SLC25A53: variants seen among roughly 807,000 people sequenced by gnomAD.
The protein encoded by SLC25A53 is solute carrier family 25 member 53.
In SLC25A53, 5 loss-of-function variants were observed where a neutral mutation model predicts 15.0. The ratio of observed to expected loss-of-function variants is 0.33; its 90% CI spans 0.17 to 0.70. The LOEUF is 0.70. Among genes scored for constraint, SLC25A53 ranks in the 30% least tolerant of loss-of-function variants. The pLI, the probability that SLC25A53 is intolerant of heterozygous loss-of-function variation, is 0.67. For synonymous variants in SLC25A53, 95 were observed against 100.0 expected (o/e 0.95, Z 0.30); for missense variants, 216 against 241.6 (o/e 0.89, Z 0.70).
intron 1 of SLC25A53, among the ~76,000 whole-genome samples, chrX:104,150,164 C>T (rs1245171601): frequency 9.5e-6 from 1 of 105,078 alleles, no homozygotes; most frequent in Non-Finnish European, 1.9e-5. Flanking sequence ...ACCCAGGAGG[C>T]GGAGGCTGCA....
Position 104,100,080 on chromosome X carries a change from TTTA to T in SLC25A53, c.*4251_*4253del, listed in dbSNP as rs1556351884. 1 of 112,007 alleles carries T rather than the reference TTTA, an allele frequency of 8.9e-6. No homozygotes were observed. Among genetic ancestry groups the T allele is most frequent in the Non-Finnish European group, 1.9e-5 (1 of 53,203 alleles). 9.2% of individuals were successfully genotyped at this position (112,007 alleles called of 1,213,427 possible). On this transcript the variant is annotated 3_prime_UTR_variant, in exon 2 of 2. Transcript: ENST00000594199. ...CTTTTTCTCTCATATGCAACGTCAT[TTTA>T]TTAACTTTAATATACTACACTATAT...
At chrX:104,126,474 T>A (rs2075411294) in intron 1 of SLC25A53, among the ~76,000 whole-genome samples, 1 of 110,677 alleles carries the variant, frequency 9.0e-6, no homozygotes, top group Non-Finnish European at 1.9e-5. Flanking sequence ...GGCAACATAG[T>A]GAGACCCCAT....
intron 1 of SLC25A53, among the ~76,000 whole-genome samples, chrX:104,121,164 T>C (rs1219005920): frequency 7.1e-5 from 8 of 112,404 alleles, no homozygotes; most frequent in Non-Finnish European, 1.1e-4. Context: ...GTATCAAAGG[T>C]TTGCTGGCCT....
Position 104,136,091 on chromosome X carries a change from G to A in SLC25A53, c.-32+20787C>T, listed in dbSNP as rs1352477788. Among the ~76,000 whole-genome samples the A allele has an allele frequency of 1.1e-4, 12 of 110,885 alleles. No homozygotes were observed. The Admixed American group carries it at 1.2e-3, about 11-fold the overall frequency. On this transcript the variant is annotated intron_variant, in intron 1 of 1. Coordinates refer to ENST00000594199, the MANE Select transcript of SLC25A53 (RefSeq NM_001012755.5). The stretch of plus-strand genomic sequence containing the variant: ...GCCTCAGCTTCCCACTATATAAAAT[G>A]GCTCACAACTCACATATCAAAATAT...
intron 1 of SLC25A53, among the ~76,000 whole-genome samples, chrX:104,119,671 T>TA (rs782083932): frequency 6.9e-5 from 7 of 100,788 alleles, no homozygotes; most frequent in Non-Finnish European, 1.4e-4. Context: ...TTCCACATTC[T>TA]AAAACACTCT....
chrX:104,122,173 A>AG (rs2075396579), intron 1 of SLC25A53, among the ~76,000 whole-genome samples: 1 of 107,335 alleles, frequency 9.3e-6, no homozygotes, highest in Non-Finnish European at 1.9e-5. Flanking sequence ...ACCATTTTAA[A>AG]GTGTACAATT....
intron 1 of SLC25A53, among the ~76,000 whole-genome samples, chrX:104,139,630 A>G (rs2075445678): frequency 9.0e-6 from 1 of 111,703 alleles, no homozygotes; most frequent in East Asian, 2.8e-4. Context: ...CCTGGCCAAC[A>G]TGGCAAAACC....
At chrX:104,153,811 C>T (rs1395109225) in intron 1 of SLC25A53, among the ~76,000 whole-genome samples, 2 of 111,863 alleles carry the variant, frequency 1.8e-5, no homozygotes, top group Non-Finnish European at 3.8e-5. Context: ...TTTGCTCGAC[C>T]ATCCAAAACA....
chrX:104,124,220 A>G (rs781826361), intron 1 of SLC25A53, among the ~76,000 whole-genome samples: 10 of 111,772 alleles, frequency 8.9e-5, no homozygotes, highest in African/African-American at 2.9e-4. Flanking sequence ...CCTCGCCAGC[A>G]TGTGTTGTTT....
intron 1 of SLC25A53, among the ~76,000 whole-genome samples, chrX:104,156,055 C>CAAAAA (rs11323988): frequency 2.9e-5 from 1 of 34,157 alleles, no homozygotes; most frequent in Non-Finnish European, 6.9e-5. Context: ...GACTCCTTAT[C>CAAAAA]AAAAAAAAAA....
At chrX:104,150,165 G>A (rs782714540) in intron 1 of SLC25A53, among the ~76,000 whole-genome samples, 10 of 107,570 alleles carry the variant, frequency 9.3e-5, no homozygotes, top group African/African-American at 2.0e-4. Context: ...CCCAGGAGGC[G>A]GAGGCTGCAG....
At chrX:104,114,577 C>T (rs1280055783) in intron 1 of SLC25A53, 31 of 1,210,105 alleles carry the variant, frequency 2.6e-5, no homozygotes, top group Non-Finnish European at 3.5e-5. Context: ...AGAGGTGCAG[C>T]TCCAGAATGC....
At chrX:104,138,273 G>A (rs1018559927) in intron 1 of SLC25A53, among the ~76,000 whole-genome samples, 63 of 111,969 alleles carry the variant, frequency 5.6e-4, no homozygotes, top group African/African-American at 1.9e-3. Context: ...GCCAGGCATG[G>A]TGACGTGCCC....
Position 104,105,236 on chromosome X carries a change from G to A in SLC25A53, c.22C>T (p.Pro8Ser), listed in dbSNP as rs1556355582. Residue 8 changes from proline (P) to serine (S), a missense_variant, in exon 2 of 2, where the codon CCC (proline) becomes TCC (serine). Transcript: ENST00000594199. Reference sequence around the variant, plus strand: ...GTCCTGTGCTGAAGCTCCTTCCCGGGAGAGTGGTTCTGCTCCCCCATGCTG... The same window carrying A: ...GTCCTGTGCTGAAGCTCCTTCCCGGAAGAGTGGTTCTGCTCCCCCATGCTG... Reference protein sequence around the residue: MGEQNHSPGKELQHRTRA... With the variant: MGEQNHSSGKELQHRTRA... 2 of 1,208,975 alleles carry A rather than the reference G, an allele frequency of 1.7e-6. No homozygotes were observed. The highest frequency in any genetic ancestry group is 5.9e-5 in the East Asian group (2 of 33,838).
At chrX:104,111,033 G>A (rs1556358251) in intron 1 of SLC25A53, among the ~76,000 whole-genome samples, 1 of 112,664 alleles carries the variant, frequency 8.9e-6, no homozygotes, top group Non-Finnish European at 1.9e-5. Context: ...ACCTCGGGTA[G>A]GAACCTGTGC....
chrX:104,111,691 G>C (rs1461086170), intron 1 of SLC25A53, among the ~76,000 whole-genome samples: 2 of 110,650 alleles, frequency 1.8e-5, no homozygotes, highest in Non-Finnish European at 1.9e-5. Flanking sequence ...GAGACTACCT[G>C]TGCAAAAATA....
chrX:104,120,716 T>C (rs1020755730), intron 1 of SLC25A53, among the ~76,000 whole-genome samples: 3 of 111,937 alleles, frequency 2.7e-5, no homozygotes, highest in Admixed American at 1.9e-4. Flanking sequence ...AGAGTACAAC[T>C]AGTGAGAAGA....
intron 1 of SLC25A53, among the ~76,000 whole-genome samples, chrX:104,138,462 C>T (rs1163854203): frequency 8.9e-6 from 1 of 112,444 alleles, no homozygotes; most frequent in Non-Finnish European, 1.9e-5. Context: ...GGGCTGGGAG[C>T]CCCACGGCAG....
At chrX:104,137,913 A>T (rs951009670) in intron 1 of SLC25A53, among the ~76,000 whole-genome samples, 1 of 112,581 alleles carries the variant, frequency 8.9e-6, no homozygotes, top group Non-Finnish European at 1.9e-5. Flanking sequence ...GACCAAAAAA[A>T]ACAAAACACT....
Sources: gnomAD v4.1 joint callset for allele counts (sites outside exome capture counted in the v4.1 genomes callset) on GRCh38, gnomAD v4.1.1 for gene constraint, MANE v1.5 for transcripts, NCBI Gene and HGNC (gene_info 2026-07-23, HGNC 2026-07-21) for gene names.